The following NDUFAF6 variants were observed in gnomAD, a reference collection of about 807,000 sequenced individuals.
NDUFAF6 encodes NADH:ubiquinone oxidoreductase complex assembly factor 6.
NDUFAF6 carries 45 observed loss-of-function variants against 40.8 expected under a neutral mutation model. That is an observed-to-expected ratio of 1.10 (90% CI 0.87 to 1.42). The LOEUF (loss-of-function observed/expected upper bound fraction) is 1.42, where lower values mean the gene tolerates loss of function less well. Among genes scored for constraint, NDUFAF6 ranks in the 40% most tolerant of loss-of-function variants. The pLI, the probability that NDUFAF6 is intolerant of heterozygous loss-of-function variation, is 0.00. For missense variants in NDUFAF6, 435 were observed against 418.5 expected, an observed-to-expected ratio of 1.04 and a Z score of -0.34; for synonymous variants, 185 against 155.9, an observed-to-expected ratio of 1.19 and a Z score of -1.39.
chr8:94,906,827 GC>G (rs1489589272), intron 1 of NDUFAF6, among the ~76,000 whole-genome samples: 1 of 152,174 alleles, frequency 6.6e-6, no homozygotes, highest in Non-Finnish European at 1.5e-5. Flanking sequence ...TTCTGCCATT[GC>G]CCCTGTGCTT....
At chr8:95,021,228 C>A (rs931314777), upstream of NDUFAF6, among the ~76,000 whole-genome samples, 1 of 151,886 alleles carries the variant, frequency 6.6e-6, no homozygotes, top group Non-Finnish European at 1.5e-5. Flanking sequence ...CTGTAGAGGC[C>A]GTAGGTGGCT....
intron 2 of NDUFAF6, among the ~76,000 whole-genome samples, chr8:94,997,341 C>CAGAGAGAGAG (rs1469014187): frequency 1.1e-5 from 1 of 91,798 alleles, no homozygotes; most frequent in African/African-American, 4.1e-5. Context: ...CACACACACA[C>CAGAGAGAGAG]ACAGAGAGAG....
At chr8:94,940,097 G>A (rs752824606) in intron 1 of NDUFAF6, 1 of 1,614,194 alleles carries the variant, frequency 6.2e-7, no homozygotes, top group Non-Finnish European at 8.5e-7. Flanking sequence ...GGAATCACTT[G>A]TATCAGCCAA....
At chr8:95,080,818 T>C (rs1017548348), downstream of NDUFAF6, among the ~76,000 whole-genome samples, 4 of 152,146 alleles carry the variant, frequency 2.6e-5, no homozygotes, top group African/African-American at 9.7e-5. Flanking sequence ...AAATGACTTA[T>C]TTTCTTTTCT....
intron 1 of NDUFAF6, among the ~76,000 whole-genome samples, chr8:94,958,710 C>T (rs551254382): frequency 7.7e-4 from 117 of 151,674 alleles, no homozygotes; most frequent in African/African-American, 2.6e-3. Context: ...AGGGTTTTAC[C>T]GTATTGACCA....
chr8:94,910,445 G>T (rs1222269147), intron 1 of NDUFAF6, among the ~76,000 whole-genome samples: 1 of 152,194 alleles, frequency 6.6e-6, no homozygotes, highest in Non-Finnish European at 1.5e-5. Flanking sequence ...GAGCCACCGC[G>T]CCTGGCCTGA....
chr8:95,089,460 G>GTA (rs1491005062), intron 2 of NDUFAF6, among the ~76,000 whole-genome samples: 71 of 140,848 alleles, frequency 5.0e-4, no homozygotes, highest in Middle Eastern at 3.9e-3. Context: ...TGTAAACTGT[G>GTA]TGTATATATA....
chr8:94,995,783 A>C (rs1419683142), intron 2 of NDUFAF6, among the ~76,000 whole-genome samples: 1 of 151,756 alleles, frequency 6.6e-6, no homozygotes, highest in Non-Finnish European at 1.5e-5. Flanking sequence ...TACATTGCTT[A>C]CTCCCTTTTT....
intron 4 of NDUFAF6, among the ~76,000 whole-genome samples, chr8:95,114,820 C>A (rs1810093855): frequency 6.6e-6 from 1 of 152,082 alleles, no homozygotes; most frequent in Non-Finnish European, 1.5e-5. Context: ...GACTTTGATA[C>A]CAGTGCTTCA....
At chr8:95,037,290 T>C (rs979466897) in intron 3 of NDUFAF6, among the ~76,000 whole-genome samples, 3 of 152,246 alleles carry the variant, frequency 2.0e-5, no homozygotes, top group Non-Finnish European at 4.4e-5. Flanking sequence ...TGGTCTCCGA[T>C]TTCCTTCTGA....
intron 4 of NDUFAF6, among the ~76,000 whole-genome samples, chr8:95,113,801 G>A (rs1383223920): frequency 6.6e-6 from 1 of 152,134 alleles, no homozygotes; most frequent in African/African-American, 2.4e-5. Flanking sequence ...AGCTGAGGTG[G>A]CACGACTGCA....
chr8:95,032,290 G>A (rs1350840737), intron 2 of NDUFAF6, among the ~76,000 whole-genome samples, 196 bp downstream of exon 2: 1 of 152,150 alleles, frequency 6.6e-6, no homozygotes, highest in African/African-American at 2.4e-5. Flanking sequence ...GAACTTAATG[G>A]TTCTAGAAAT....
At chr8:94,904,308 T>A (rs1160257579) in intron 1 of NDUFAF6, among the ~76,000 whole-genome samples, 1 of 135,118 alleles carries the variant, frequency 7.4e-6, no homozygotes, top group African/African-American at 2.7e-5. Context: ...CACACCTGGC[T>A]AATTTTTTTT....
chr8:94,956,565 A>G (rs1823092113), upstream of NDUFAF6, among the ~76,000 whole-genome samples: 1 of 152,176 alleles, frequency 6.6e-6, no homozygotes, highest in Non-Finnish European at 1.5e-5. Context: ...AAAAGTCTAG[A>G]TTTCATTCAA....
chr8:95,067,693 G>A (rs1477848821), intron 9 of NDUFAF6: 2 of 151,906 alleles, frequency 1.3e-5, no homozygotes, highest in Non-Finnish European at 2.9e-5. Flanking sequence ...ATAGGGAGGT[G>A]GCTTCATTGT....
intron 1 of NDUFAF6, among the ~76,000 whole-genome samples, chr8:94,907,945 T>C (rs1383729376): frequency 6.6e-6 from 1 of 152,222 alleles, no homozygotes; most frequent in Non-Finnish European, 1.5e-5. Flanking sequence ...CTCCAGTACC[T>C]AAAATAGTGG....
At chr8:95,006,067 T>C (rs1826963341) in intron 2 of NDUFAF6, among the ~76,000 whole-genome samples, 1 of 152,074 alleles carries the variant, frequency 6.6e-6, no homozygotes, top group African/African-American at 2.4e-5. Context: ...CTTTAAGACA[T>C]CTCTGTAAGG....
At chr8:94,947,642 T>A (rs1822139163) in intron 2 of NDUFAF6, among the ~76,000 whole-genome samples, 1 of 152,234 alleles carries the variant, frequency 6.6e-6, no homozygotes, top group Admixed American at 6.5e-5. Context: ...GTTCAACTAG[T>A]GTGCAAGGGA....
Position 95,045,617 on chromosome 8 carries a change from T to C in NDUFAF6, c.550T>C (p.Ser184Pro), listed in dbSNP as rs1158637926. ...AAATTATGCTGAAAACACACAGAGCTCTCTTCTTTACTTAACACTAGAAAT... is the reference window on the plus strand; with the variant it reads ...AAATTATGCTGAAAACACACAGAGCCCTCTTCTTTACTTAACACTAGAAAT... ...LENYAENTQS[S>P]LLYLTLEILG... is the part of the protein sequence containing the mutation. Residue 184 changes from serine to proline, a missense_variant, in exon 5 of 9, where the codon TCT (serine) becomes CCT (proline). Coordinates refer to ENST00000396124, the MANE Select transcript of NDUFAF6 (RefSeq NM_152416.4). The C allele has an allele frequency of 2.5e-6, 4 of 1,613,202 alleles. No homozygotes were observed. The highest frequency in any genetic ancestry group is 1.3e-5 in the African/African-American group (1 of 74,888).
Sources: allele counts gnomAD v4.1 joint callset (sites outside exome capture counted in the v4.1 genomes callset), GRCh38; gene constraint gnomAD v4.1.1; transcripts MANE v1.5; gene names NCBI Gene and HGNC (gene_info 2026-07-23, HGNC 2026-07-21).